Variants in CHD7 observed in about 807,000 individuals in gnomAD.
CHD7 encodes chromodomain helicase DNA binding protein 7.
In CHD7, 24 loss-of-function variants were observed where a neutral mutation model predicts 307.3. The ratio of observed to expected loss-of-function variants is 0.08; its 90% CI spans 0.06 to 0.11. The LOEUF (loss-of-function observed/expected upper bound fraction) is 0.11, where lower values mean the gene tolerates loss of function less well. CHD7 is among the 10% of genes least tolerant of loss of function. CHD7 has a pLI of 1.00. For synonymous variants in CHD7, 1,363 were observed against 1,349.9 expected, an observed-to-expected ratio of 1.01 and a Z score of -0.21; for missense variants, 3,106 against 3,727.1, an observed-to-expected ratio of 0.83 and a Z score of 4.34.
chr8:60,793,271 T>C (rs1407891282), intron 3 of CHD7, among the ~76,000 whole-genome samples: 2 of 152,114 alleles, frequency 1.3e-5, no homozygotes, highest in African/African-American at 4.8e-5. Flanking sequence ...TTTAAAAATA[T>C]TATGCTTTCT....
At chr8:60,723,250 G>A (rs964444709) in intron 1 of CHD7, among the ~76,000 whole-genome samples, 9 of 151,710 alleles carry the variant, frequency 5.9e-5, no homozygotes, top group Non-Finnish European at 1.3e-4. Flanking sequence ...TTTTATCATT[G>A]GCAACAAAAC....
chr8:60,802,253 G>A lies in CHD7; in HGVS notation c.2442+660G>A, dbSNP rs539964328. Among the ~76,000 whole-genome samples, 3 of 152,304 alleles carry A rather than the reference G, an allele frequency of 2.0e-5. No homozygotes were observed. In the South Asian group the frequency reaches 6.2e-4, roughly 32 times the overall value. On this transcript the variant is annotated intron_variant, in intron 6 of 37. Transcript: ENST00000423902. ...AACAAAAAAATGCCAGTGACATACC[G>A]TGTTTTCTTTTCCTGATGAAAATTC...
chr8:60,775,836 C>T (rs1810925338), intron 2 of CHD7, among the ~76,000 whole-genome samples: 1 of 152,202 alleles, frequency 6.6e-6, no homozygotes, highest in Non-Finnish European at 1.5e-5. Flanking sequence ...CGGCTCACCG[C>T]AACCTCCAAC....
At chr8:60,753,861 G>T (rs1057188145) in intron 2 of CHD7, among the ~76,000 whole-genome samples, 3 of 151,912 alleles carry the variant, frequency 2.0e-5, no homozygotes, top group Admixed American at 1.3e-4. Flanking sequence ...CTTTCCTCGG[G>T]TGATCCACCT....
At chr8:60,840,703 C>T (rs1282640279) in intron 19 of CHD7, among the ~76,000 whole-genome samples, 6 of 151,816 alleles carry the variant, frequency 4.0e-5, no homozygotes, top group African/African-American at 1.2e-4. Context: ...CTGCAACCTC[C>T]ACCTCCTGGG....
chr8:60,687,811 C>T (rs892877600), intron 1 of CHD7, among the ~76,000 whole-genome samples: 2 of 152,140 alleles, frequency 1.3e-5, no homozygotes, highest in African/African-American at 4.8e-5. Flanking sequence ...TTAAATTACC[C>T]AGGGCCATAC....
At chr8:60,696,456 G>T (rs192054499) in intron 1 of CHD7, among the ~76,000 whole-genome samples, 3 of 152,210 alleles carry the variant, frequency 2.0e-5, no homozygotes, top group Admixed American at 2.0e-4. Flanking sequence ...TTACTTAATT[G>T]ATCTAAGACG....
chr8:60,716,529 C>T (rs1029970824), intron 1 of CHD7, among the ~76,000 whole-genome samples: 1 of 152,240 alleles, frequency 6.6e-6, no homozygotes, highest in Non-Finnish European at 1.5e-5. Flanking sequence ...TGGGCTGACT[C>T]CTCAGTTCCT....
chr8:60,821,418 T>C (rs1032619560), intron 9 of CHD7, among the ~76,000 whole-genome samples: 2 of 152,112 alleles, frequency 1.3e-5, no homozygotes, highest in Non-Finnish European at 2.9e-5. Flanking sequence ...AACAGCTGTT[T>C]ATGGCCATAG....
chr8:60,751,358 A>C (rs1289448077), intron 2 of CHD7, among the ~76,000 whole-genome samples: 1 of 152,106 alleles, frequency 6.6e-6, no homozygotes, highest in African/African-American at 2.4e-5. Flanking sequence ...TGTTATAATA[A>C]TCTTTCAGAA....
intron 1 of CHD7, among the ~76,000 whole-genome samples, chr8:60,698,400 AG>A (rs141934020): frequency 0.01 from 1,527 of 152,338 alleles, 30 homozygotes; most frequent in African/African-American, 0.035. Flanking sequence ...GCCATAGGAA[AG>A]AATAATTTCA....
At chr8:60,751,128 A>G (rs1809621049) in intron 2 of CHD7, among the ~76,000 whole-genome samples, 1 of 152,202 alleles carries the variant, frequency 6.6e-6, no homozygotes, top group Non-Finnish European at 1.5e-5. Flanking sequence ...TGGATTACAG[A>G]CATTTTCAAG....
intron 1 of CHD7, among the ~76,000 whole-genome samples, chr8:60,689,473 A>G (rs138300107): frequency 6.6e-6 from 1 of 152,350 alleles, no homozygotes; most frequent in African/African-American, 2.4e-5. Context: ...AAATTTGTCT[A>G]AGATCATAGT....
At chr8:60,692,027 G>A (rs1806218757) in intron 1 of CHD7, among the ~76,000 whole-genome samples, 1 of 152,086 alleles carries the variant, frequency 6.6e-6, no homozygotes, top group Non-Finnish European at 1.5e-5. Context: ...TGCTTCTGAT[G>A]TACTCTGAAA....
At chr8:60,847,407 A>G (rs1291415937) in intron 23 of CHD7, among the ~76,000 whole-genome samples, 2 of 152,220 alleles carry the variant, frequency 1.3e-5, no homozygotes, top group African/African-American at 2.4e-5. Context: ...TTCTGCTACC[A>G]TCAGTTTTCC....
chr8:60,751,614 G>A (rs1809645677), intron 2 of CHD7, among the ~76,000 whole-genome samples: 1 of 152,220 alleles, frequency 6.6e-6, no homozygotes, highest in Admixed American at 6.5e-5. Flanking sequence ...TTGTATCAGT[G>A]AAGAAAGTCA....
Position 60,828,779 on chromosome 8 carries a change from A to G in CHD7, c.3495A>G (p.Glu1165=). 1.2e-6 allele frequency: 2 copies of G among 1,613,718 alleles called. No individual in the cohort carries two copies. The highest frequency in any genetic ancestry group is 1.7e-6 in the Non-Finnish European group (2 of 1,179,730). The change falls in exon 14 of 38, where the codon GAA becomes GAG. Residue 1165 remains glutamate (E), a synonymous_variant. Transcript: ENST00000423902. ...CTTCAGAAACCACATTTATGCAAGA[A>G]TTTGGTGATCTAAAAACAGAAGAGC... ...RFPSETTFMQ[E]FGDLKTEEQV...
chr8:60,856,079 A>C lies in CHD7; in HGVS notation c.7041A>C (p.Pro2347=). 1.2e-6 allele frequency: 2 copies of C among 1,611,682 alleles called. No individual in the cohort carries two copies. The highest frequency in any genetic ancestry group is 1.7e-6 in the Non-Finnish European group (2 of 1,178,822). ...RQMFDFQGLI[P]GYTPTTVDSP... Reference sequence around the variant, plus strand: ...TGTTTGATTTCCAAGGCCTCATCCCAGGTTACACACCCACCACAGTGGACA... The same window carrying C: ...TGTTTGATTTCCAAGGCCTCATCCCCGGTTACACACCCACCACAGTGGACA... Residue 2347 remains proline (P), a synonymous_variant, in exon 33 of 38, where the codon CCA becomes CCC. Transcript: ENST00000423902.
intron 7 of CHD7, among the ~76,000 whole-genome samples, chr8:60,815,450 T>G (rs1211824261): frequency 3.3e-5 from 5 of 152,178 alleles, no homozygotes; most frequent in African/African-American, 1.2e-4. Context: ...CAAGGCTGTT[T>G]GAGGGGCAGG....
Sources: gnomAD v4.1 joint callset for allele counts (sites outside exome capture counted in the v4.1 genomes callset) on GRCh38, gnomAD v4.1.1 for gene constraint, MANE v1.5 for transcripts, NCBI Gene and HGNC (gene_info 2026-07-23, HGNC 2026-07-21) for gene names.